PLAC1: variants seen among roughly 807,000 people sequenced by gnomAD.
The protein encoded by PLAC1 is placenta associated 1, also known as placenta-specific protein 1.
For missense variants in PLAC1, 136 were observed against 163.2 expected, an observed-to-expected ratio of 0.83 and a Z score of 0.91; for synonymous variants, 68 against 62.1, an observed-to-expected ratio of 1.09 and a Z score of -0.44.
At chrX:134,576,490 C>T (rs1337754203) in intron 2 of PLAC1, among the ~76,000 whole-genome samples, 5 of 104,631 alleles carry the variant, frequency 4.8e-5, no homozygotes, top group East Asian at 3.0e-4. Context: ...GAGCCAAGAT[C>T]GTGCCACTGC....
intron 2 of PLAC1, among the ~76,000 whole-genome samples, chrX:134,721,492 T>C (rs1328477050): frequency 9.1e-6 from 1 of 109,682 alleles, no homozygotes; most frequent in Non-Finnish European, 1.9e-5. Context: ...TGCTTGAGCC[T>C]AGGATTTTGA....
At chrX:134,641,420 C>T (rs184755284) in intron 1 of PLAC1, among the ~76,000 whole-genome samples, 7 of 112,274 alleles carry the variant, frequency 6.2e-5, no homozygotes, top group African/African-American at 2.3e-4. Context: ...AGTGGGTATC[C>T]TTTGGGTCCT....
intron 2 of PLAC1, among the ~76,000 whole-genome samples, chrX:134,667,379 G>A (rs1353752195): frequency 8.9e-6 from 1 of 112,276 alleles, no homozygotes; most frequent in Admixed American, 9.4e-5. Context: ...TGAACAGACT[G>A]TCTTCCAAAG....
intron 2 of PLAC1, among the ~76,000 whole-genome samples, chrX:134,691,547 T>TGTG (rs1407871009): frequency 5.4e-5 from 6 of 111,387 alleles, no homozygotes; most frequent in African/African-American, 2.0e-4. Flanking sequence ...CGGTTACCCA[T>TGTG]GTGGTATATT....
chrX:134,625,855 G>A (rs1370069272), intron 1 of PLAC1, among the ~76,000 whole-genome samples: 1 of 110,800 alleles, frequency 9.0e-6, no homozygotes, highest in African/African-American at 3.3e-5. Context: ...TGGGAAATGG[G>A]TCTCGGAGGC....
chrX:134,669,321 G>C (rs2078447308), intron 2 of PLAC1, among the ~76,000 whole-genome samples: 1 of 112,066 alleles, frequency 8.9e-6, no homozygotes, highest in African/African-American at 3.2e-5. Context: ...TTCAAATCCT[G>C]ATTTCATCAT....
chrX:134,651,413 CA>C, intron 1 of PLAC1: 1 of 144,404 alleles, frequency 6.9e-6, no homozygotes, highest in Non-Finnish European at 1.4e-5. Context: ...CACTTGTAAA[CA>C]AAAATGACTA....
At chrX:134,706,351 A>G (rs771226845) in intron 2 of PLAC1, among the ~76,000 whole-genome samples, 1 of 112,117 alleles carries the variant, frequency 8.9e-6, no homozygotes, top group East Asian at 2.8e-4. Flanking sequence ...TCCTTTCTCC[A>G]CAGTGACAGT....
intron 2 of PLAC1, among the ~76,000 whole-genome samples, chrX:134,671,481 A>T (rs1477256216): frequency 1.8e-5 from 2 of 110,582 alleles, no homozygotes; most frequent in African/African-American, 3.3e-5. Flanking sequence ...GGTTTAATTG[A>T]CTCATAGTTC....
chrX:134,741,491 G>A (rs182562728), intron 1 of PLAC1, among the ~76,000 whole-genome samples: 9 of 111,412 alleles, frequency 8.1e-5, no homozygotes, highest in African/African-American at 2.9e-4. Context: ...ATAAGGAATA[G>A]ACATACCCAA....
At chrX:134,677,987 G>C (rs2078481190) in intron 2 of PLAC1, among the ~76,000 whole-genome samples, 1 of 111,205 alleles carries the variant, frequency 9.0e-6, no homozygotes, top group Non-Finnish European at 1.9e-5. Flanking sequence ...TAGATGTGGG[G>C]GATAAGGGTA....
intron 1 of PLAC1, among the ~76,000 whole-genome samples, chrX:134,624,207 G>C (rs1428245173): frequency 8.9e-6 from 1 of 112,139 alleles, no homozygotes; most frequent in Non-Finnish European, 1.9e-5. Context: ...CCACACTGGA[G>C]CCACTTTTTC....
At chrX:134,568,023 A>G (rs768204854) in intron 2 of PLAC1, among the ~76,000 whole-genome samples, 18 of 112,033 alleles carry the variant, frequency 1.6e-4, no homozygotes, top group African/African-American at 5.8e-4. Context: ...GTGAGGAGAA[A>G]AAGCAGTGCT....
chrX:134,646,850 G>T (rs543701893), intron 1 of PLAC1, among the ~76,000 whole-genome samples: 1 of 112,326 alleles, frequency 8.9e-6, no homozygotes, highest in South Asian at 3.7e-4. Flanking sequence ...TGGCCAAACG[G>T]CCCTGGATCA....
At chrX:134,750,077 C>A (rs903654470) in intron 1 of PLAC1, among the ~76,000 whole-genome samples, 12 of 111,497 alleles carry the variant, frequency 1.1e-4, no homozygotes, top group African/African-American at 2.3e-4. Flanking sequence ...GAAAAAAAAA[C>A]CAATGGAATT....
chrX:134,711,595 C>A (rs892673510), intron 2 of PLAC1, among the ~76,000 whole-genome samples: 1 of 112,021 alleles, frequency 8.9e-6, no homozygotes, highest in African/African-American at 3.2e-5. Context: ...GTTCCTTTTC[C>A]TAGCCAGTGC....
At chrX:134,663,408 G>A (rs752151993), upstream of PLAC1, among the ~76,000 whole-genome samples, 3 of 104,030 alleles carry the variant, frequency 2.9e-5, no homozygotes, top group African/African-American at 7.0e-5. Context: ...TTTGGATCAC[G>A]TGCCACACAT....
intron 2 of PLAC1, among the ~76,000 whole-genome samples, chrX:134,729,650 C>G (rs1002697253): frequency 8.9e-6 from 1 of 111,837 alleles, no homozygotes; most frequent in African/African-American, 3.3e-5. Context: ...AATCCACCCA[C>G]CTGCTGGCTG....
At chrX:134,694,662 T>C (rs1277357159) in intron 2 of PLAC1, among the ~76,000 whole-genome samples, 1 of 112,267 alleles carries the variant, frequency 8.9e-6, no homozygotes, top group Non-Finnish European at 1.9e-5. Flanking sequence ...TTTAGGCAAG[T>C]ATCAACTGGC....
Sources: allele counts gnomAD v4.1 joint callset (sites outside exome capture counted in the v4.1 genomes callset), GRCh38; gene constraint gnomAD v4.1.1; transcripts MANE v1.5; gene names NCBI Gene and HGNC (gene_info 2026-07-23, HGNC 2026-07-21).